Variants in CNST observed in about 807,000 individuals in gnomAD.
The protein encoded by CNST is consortin, connexin sorting protein, also known as consortin.
In CNST, 39 loss-of-function variants were observed where a neutral mutation model predicts 72.4. The ratio of observed to expected loss-of-function variants is 0.54; its 90% CI spans 0.42 to 0.70. The LOEUF is 0.70. Ranked by LOEUF, CNST falls within the 30% of genes least tolerant of loss-of-function variation. The pLI is 0.00. For synonymous variants in CNST, 332 were observed against 320.1 expected (o/e 1.04, Z -0.40); for missense variants, 871 against 868.5 (o/e 1.00, Z -0.04).
intron 9 of CNST, among the ~76,000 whole-genome samples, chr1:246,652,912 G>A (rs1252040115): frequency 2.1e-5 from 3 of 145,932 alleles, no homozygotes; most frequent in Non-Finnish European, 4.6e-5. Flanking sequence ...GCTGAGGCAG[G>A]AGAATGGCGT....
At chr1:246,584,422 G>A (rs1048498480) in intron 1 of CNST, among the ~76,000 whole-genome samples, 1 of 152,158 alleles carries the variant, frequency 6.6e-6, no homozygotes, top group African/African-American at 2.4e-5. Flanking sequence ...GAATGGCGGT[G>A]CAGTCAAGAA....
intron 1 of CNST, among the ~76,000 whole-genome samples, chr1:246,585,417 C>A (rs537454413): frequency 6.6e-6 from 1 of 151,448 alleles, no homozygotes; most frequent in South Asian, 2.1e-4. Flanking sequence ...GAGGCCGAGG[C>A]GGGCAAATCA....
intron 9 of CNST, among the ~76,000 whole-genome samples, chr1:246,659,393 G>C (rs572309533): frequency 6.6e-6 from 1 of 152,294 alleles, no homozygotes; most frequent in South Asian, 2.1e-4. Flanking sequence ...AGGAGATCGA[G>C]ACCATCCTGG....
chr1:246,634,633 G>C (rs1665030355), intron 6 of CNST, 46 bp downstream of exon 6: 1 of 1,018,684 alleles, frequency 9.8e-7, no homozygotes, highest in South Asian at 1.4e-5. Context: ...GTAGAATATT[G>C]AAGAAGCATT....
chr1:246,567,435 C>T (rs3120715), intron 1 of CNST, among the ~76,000 whole-genome samples: 31,746 of 151,732 alleles, frequency 0.21, 3,781 homozygotes, highest in Middle Eastern at 0.31. Context: ...AAACTTAGAG[C>T]TTTTACCCAT....
intron 1 of CNST, among the ~76,000 whole-genome samples, chr1:246,580,759 T>C (rs1660725147): frequency 6.6e-6 from 1 of 152,172 alleles, no homozygotes; most frequent in Non-Finnish European, 1.5e-5. Context: ...TTCTTTTTTT[T>C]TGAGACAGTC....
chr1:246,630,521 A>G (rs765428368), intron 3 of CNST, among the ~76,000 whole-genome samples: 1 of 152,176 alleles, frequency 6.6e-6, no homozygotes, highest in South Asian at 2.1e-4. Flanking sequence ...AAAATGTCAC[A>G]TTTGTAGGAT....
chr1:246,625,926 A>G (rs1430383364), intron 3 of CNST, among the ~76,000 whole-genome samples: 2 of 152,078 alleles, frequency 1.3e-5, no homozygotes, highest in African/African-American at 2.4e-5. Flanking sequence ...CACTGGAGCT[A>G]TTGGAAACGT....
rs960742528 is a variant in CNST at position 246,573,426 on chromosome 1, G to A, written c.-52+6763G>A. On this transcript the variant is annotated intron_variant, in intron 1 of 10. Coordinates refer to ENST00000366513, the MANE Select transcript of CNST (RefSeq NM_152609.3). ...AAAGCTCATCTTTTCACTAGCCAGA[G>A]AAAGCTGTATTTCAAAATAACCTAA... Among the ~76,000 whole-genome samples the A allele has an allele frequency of 5.1e-4, 78 of 152,214 alleles. 2 individuals are homozygous for A. The highest frequency in any genetic ancestry group is 2.1e-4 in the South Asian group (1 of 4,838).
chr1:246,619,919 G>T, intron 2 of CNST, among the ~76,000 whole-genome samples: 2 of 140,562 alleles, frequency 1.4e-5, no homozygotes, highest in African/African-American at 2.7e-5. Context: ...GCATACACAC[G>T]ATGGGCTCTG....
chr1:246,610,248 T>C (rs1452532498), intron 2 of CNST, among the ~76,000 whole-genome samples: 1 of 152,228 alleles, frequency 6.6e-6, no homozygotes, highest in Non-Finnish European at 1.5e-5. Context: ...GCCACTGCAC[T>C]CCAGCCTGGG....
chr1:246,607,097 G>A (rs1284918938), intron 2 of CNST: 1 of 152,298 alleles, frequency 6.6e-6, no homozygotes, highest in Non-Finnish European at 1.5e-5. Flanking sequence ...GGCGTTGACT[G>A]TTAGGGTTTG....
chr1:246,652,771 A>AG (rs1478929873), intron 9 of CNST, among the ~76,000 whole-genome samples: 3 of 136,970 alleles, frequency 2.2e-5, no homozygotes, highest in South Asian at 2.5e-4. Flanking sequence ...TTGGGAGGCC[A>AG]AGGCGGGCGG....
intron 3 of CNST, among the ~76,000 whole-genome samples, chr1:246,622,736 G>T (rs1187673211): frequency 7.2e-6 from 1 of 139,064 alleles, no homozygotes; most frequent in African/African-American, 2.5e-5. Flanking sequence ...TAGGCCGGTG[G>T]TGAGGAAACT....
chr1:246,609,219 A>G (rs1663137455), intron 2 of CNST, among the ~76,000 whole-genome samples: 1 of 152,222 alleles, frequency 6.6e-6, no homozygotes, highest in Non-Finnish European at 1.5e-5. Flanking sequence ...GTGTTGAGGA[A>G]AAGGAAGGGA....
rs559948629 is a variant in CNST, at chr1:246,625,006, A to G, written c.585+3372A>G. 3.3e-5 allele frequency among the ~76,000 whole-genome samples: 5 copies of G among 152,184 alleles called. No individual in the cohort carries two copies. In the South Asian group the frequency reaches 8.3e-4, roughly 25 times the overall value. On this transcript the variant is annotated intron_variant, in intron 3 of 10. Transcript: ENST00000366513. ...ACACACGTATTTTTTCCATTGAAAC[A>G]GTTGAAAGTAATTTGCATTATGACA... is the stretch of plus-strand genomic sequence containing the variant.
At chr1:246,652,753 C>T (rs908359033) in intron 9 of CNST, among the ~76,000 whole-genome samples, 1 of 151,922 alleles carries the variant, frequency 6.6e-6, no homozygotes, top group East Asian at 1.9e-4. Context: ...GCCTGTAATC[C>T]CAGCACTTTG....
At chr1:246,628,645 C>T (rs1664595078) in intron 3 of CNST, among the ~76,000 whole-genome samples, 1 of 152,104 alleles carries the variant, frequency 6.6e-6, no homozygotes, top group African/African-American at 2.4e-5. Context: ...AAAATCGGGC[C>T]CTCCCTTGGG....
intron 2 of CNST, among the ~76,000 whole-genome samples, chr1:246,601,881 T>G (rs1662312625): frequency 6.6e-6 from 1 of 152,144 alleles, no homozygotes. Context: ...ATTCACTGTG[T>G]GTGTGTGGAA....
Sources: allele counts gnomAD v4.1 joint callset (sites outside exome capture counted in the v4.1 genomes callset), GRCh38; gene constraint gnomAD v4.1.1; transcripts MANE v1.5; gene names NCBI Gene and HGNC (gene_info 2026-07-23, HGNC 2026-07-21).